Variants in XKR6 observed in about 807,000 individuals in gnomAD.
The protein encoded by XKR6 is XK-related protein 6.
XKR6 carries 22 observed loss-of-function variants against 56.7 expected under a neutral mutation model. The observed-to-expected ratio is 0.39, with a 90% CI of 0.28 to 0.55. XKR6 has a LOEUF of 0.55. XKR6 is among the 20% of genes least tolerant of loss of function. The pLI is 0.66. For synonymous variants in XKR6, 524 were observed against 387.8 expected (o/e 1.35, Z -4.13); for missense variants, 852 against 889.0 (o/e 0.96, Z 0.53).
At chr8:11,016,467 A>G (rs1352581124) in intron 1 of XKR6, among the ~76,000 whole-genome samples, 2 of 152,144 alleles carry the variant, frequency 1.3e-5, no homozygotes, top group Non-Finnish European at 2.9e-5. Flanking sequence ...GGCGCAGACA[A>G]CAAGCTAGAT....
intron 1 of XKR6, among the ~76,000 whole-genome samples, chr8:11,033,730 AC>A (rs527571938): frequency 3.7e-4 from 56 of 152,272 alleles, no homozygotes; most frequent in Non-Finnish European, 6.3e-4. Context: ...CTGAGAACCA[AC>A]TGAATGAGAA....
chr8:10,940,687 C>T (rs1249605569), intron 1 of XKR6, among the ~76,000 whole-genome samples: 1 of 152,208 alleles, frequency 6.6e-6, no homozygotes, highest in African/African-American at 2.4e-5. Flanking sequence ...CCCACTATCC[C>T]AGGAGCTGCC....
At chr8:11,089,687 A>T (rs148012558) in intron 1 of XKR6, among the ~76,000 whole-genome samples, 2,957 of 152,266 alleles carry the variant, frequency 0.019, 84 homozygotes, top group African/African-American at 0.068. Context: ...AAAGGTAATA[A>T]TATTACAAGG....
intron 1 of XKR6, chr8:11,123,834 G>T (rs143184754): frequency 9.9e-5 from 45 of 456,258 alleles, no homozygotes; most frequent in Non-Finnish European, 1.7e-4. Context: ...ACACACCAAG[G>T]CAGTTCCAGT....
At chr8:11,101,766 C>T (rs982941900) in intron 1 of XKR6, among the ~76,000 whole-genome samples, 2 of 152,174 alleles carry the variant, frequency 1.3e-5, no homozygotes, top group Non-Finnish European at 2.9e-5. Context: ...TTGCATTTGA[C>T]CCTGCTCACC....
intron 2 of XKR6, among the ~76,000 whole-genome samples, chr8:10,922,240 T>C (rs367887271): frequency 1.8e-4 from 28 of 152,338 alleles, no homozygotes; most frequent in African/African-American, 6.0e-4. Flanking sequence ...TGAGTTCATT[T>C]TGAGAAAAAG....
chr8:11,025,077 A>C (rs1042920708), intron 1 of XKR6, among the ~76,000 whole-genome samples: 2 of 152,176 alleles, frequency 1.3e-5, no homozygotes, highest in Non-Finnish European at 2.9e-5. Context: ...CCATCTTTCT[A>C]CGAGGCCTTG....
At chr8:10,957,575 G>T (rs534865231) in intron 1 of XKR6, among the ~76,000 whole-genome samples, 35 of 152,292 alleles carry the variant, frequency 2.3e-4, no homozygotes, top group African/African-American at 8.4e-4. Context: ...CTGGGATGCT[G>T]ATGGCGCAGT....
At chr8:11,185,110 G>A (rs190586890) in intron 1 of XKR6, among the ~76,000 whole-genome samples, 1 of 152,240 alleles carries the variant, frequency 6.6e-6, no homozygotes, top group African/African-American at 2.4e-5. Context: ...CATGGGTGCG[G>A]GTGTGAGTGT....
chr8:11,049,960 T>G (rs1799503885), intron 1 of XKR6, among the ~76,000 whole-genome samples: 1 of 152,102 alleles, frequency 6.6e-6, no homozygotes, highest in Admixed American at 6.5e-5. Context: ...TAGCGTCCAT[T>G]GCCTTTCCCG....
At chr8:10,938,282 T>A (rs1212839931) in intron 1 of XKR6, among the ~76,000 whole-genome samples, 1 of 152,146 alleles carries the variant, frequency 6.6e-6, no homozygotes, top group Non-Finnish European at 1.5e-5. Flanking sequence ...GCGCACCCAC[T>A]GGCCTGCGCC....
chr8:11,085,297 C>T (rs985916640), intron 1 of XKR6, among the ~76,000 whole-genome samples: 3 of 152,222 alleles, frequency 2.0e-5, no homozygotes, highest in Non-Finnish European at 4.4e-5. Flanking sequence ...AGCACGTGCT[C>T]TCACTCACAG....
At chr8:10,921,226 C>G (rs1448763877) in intron 2 of XKR6, among the ~76,000 whole-genome samples, 3 of 152,250 alleles carry the variant, frequency 2.0e-5, no homozygotes, top group South Asian at 2.1e-4. Context: ...TGTTTATAAT[C>G]TGAGAAACTA....
intron 1 of XKR6, among the ~76,000 whole-genome samples, chr8:10,974,782 G>A (rs767738361): frequency 8.5e-5 from 13 of 152,296 alleles, no homozygotes; most frequent in Admixed American, 2.6e-4. Context: ...TGAAGGAAGC[G>A]CACAGAGCTC....
At chr8:11,135,067 C>T (rs147215131) in intron 1 of XKR6, among the ~76,000 whole-genome samples, 3 of 148,624 alleles carry the variant, frequency 2.0e-5, no homozygotes, top group Non-Finnish European at 3.0e-5. Context: ...GAGTCTCCCT[C>T]TGTCGCCCAG....
At chr8:11,124,540 G>T in intron 1 of XKR6, 1 of 160,330 alleles carries the variant, frequency 6.2e-6, no homozygotes. Context: ...GAAATTGACT[G>T]ATAAACTGAT....
chr8:11,127,780 T>C (rs994680680), intron 1 of XKR6, among the ~76,000 whole-genome samples: 3 of 152,214 alleles, frequency 2.0e-5, no homozygotes, highest in African/African-American at 7.2e-5. Flanking sequence ...TATTTATAGG[T>C]CTGGGGATTG....
chr8:10,981,367 C>T (rs1433959924), intron 1 of XKR6, among the ~76,000 whole-genome samples: 2 of 152,172 alleles, frequency 1.3e-5, no homozygotes, highest in African/African-American at 4.8e-5. Context: ...GGAGGCCTCA[C>T]CAGAAGGAAG....
At chr8:11,094,113 G>A (rs932831491) in intron 1 of XKR6, among the ~76,000 whole-genome samples, 10 of 147,270 alleles carry the variant, frequency 6.8e-5, no homozygotes, top group African/African-American at 2.6e-4. Flanking sequence ...GTCTTGCTGT[G>A]TCGCCCAGGC....
Sources: gnomAD v4.1 joint callset for allele counts (sites outside exome capture counted in the v4.1 genomes callset) on GRCh38, gnomAD v4.1.1 for gene constraint, MANE v1.5 for transcripts, NCBI Gene and HGNC (gene_info 2026-07-23, HGNC 2026-07-21) for gene names.